The following CDS1 variants were observed in gnomAD, a reference collection of about 807,000 sequenced individuals.
CDS1 encodes phosphatidate cytidylyltransferase 1.
CDS1 carries 41 observed loss-of-function variants against 62.1 expected under a neutral mutation model. The observed-to-expected ratio is 0.66, with a 90% confidence interval of 0.51 to 0.86. The LOEUF (loss-of-function observed/expected upper bound fraction) is 0.86, where lower values mean the gene tolerates loss of function less well. Ranked by LOEUF, CDS1 falls within the 40% of genes least tolerant of loss-of-function variation. The pLI is 0.00. For missense variants in CDS1, 470 were observed against 550.1 expected (o/e 0.85, Z 1.46); for synonymous variants, 185 against 192.6 (o/e 0.96, Z 0.32).
intron 11 of CDS1, among the ~76,000 whole-genome samples, 159 bp downstream of exon 11, chr4:84,643,302 A>G (rs1724451018): frequency 6.6e-6 from 1 of 152,158 alleles, no homozygotes; most frequent in African/African-American, 2.4e-5. Context: ...CGTTGATCTG[A>G]ATGTATTCTT....
chr4:84,619,904 T>C (rs1008127181), intron 5 of CDS1, among the ~76,000 whole-genome samples: 4 of 151,478 alleles, frequency 2.6e-5, no homozygotes, highest in African/African-American at 9.7e-5. Flanking sequence ...TAGTGGCACA[T>C]GCCTATAATT....
intron 10 of CDS1, among the ~76,000 whole-genome samples, chr4:84,642,201 T>G (rs999949551): frequency 5.9e-5 from 9 of 152,028 alleles, no homozygotes; most frequent in Admixed American, 5.9e-4. Flanking sequence ...GGCATACACC[T>G]GTAATTCCAG....
chr4:84,639,737 T>A (rs1255539822), intron 9 of CDS1, among the ~76,000 whole-genome samples: 1 of 151,800 alleles, frequency 6.6e-6, no homozygotes, highest in African/African-American at 2.4e-5. Flanking sequence ...CTGGAGAGAG[T>A]GAATATACAA....
chr4:84,624,129 C>CTA lies in CDS1; in HGVS notation c.580+4597_580+4598insAT, dbSNP rs556331406. ...TACTAAAAATACAAAAAAAAATTAG[C>CTA]TGGGCGTGGTGGTGGGCGCCTATAG... On this transcript the variant is annotated intron_variant, in intron 5 of 12. Transcript: ENST00000295887. Among the ~76,000 whole-genome samples, 155 of 151,814 alleles carry CTA rather than the reference C, an allele frequency of 1.0e-3. 2 individuals are homozygous for CTA. In the East Asian group the frequency reaches 0.021, roughly 21 times the overall value.
chr4:84,612,387 G>C (rs1379116930), intron 3 of CDS1, among the ~76,000 whole-genome samples: 1 of 152,120 alleles, frequency 6.6e-6, no homozygotes, highest in Non-Finnish European at 1.5e-5. Context: ...CCTAGATACA[G>C]TGACTTCGGC....
At chr4:84,589,967 C>G (rs1173661494) in intron 1 of CDS1, among the ~76,000 whole-genome samples, 1 of 152,188 alleles carries the variant, frequency 6.6e-6, no homozygotes, top group East Asian at 1.9e-4. Context: ...CCCGCCACCA[C>G]GCCTGGCTAA....
chr4:84,617,153 C>T (rs1190192890), intron 3 of CDS1, among the ~76,000 whole-genome samples: 1 of 152,154 alleles, frequency 6.6e-6, no homozygotes, highest in Non-Finnish European at 1.5e-5. Flanking sequence ...TGCAAGCAAA[C>T]TTTCATATAT....
rs771185324 is a variant in CDS1, at chr4:84,645,295, T to G, written c.1226T>G (p.Phe409Cys). 6.2e-7 allele frequency: 1 copy of G among 1,609,040 alleles called. No homozygotes were observed. Among genetic ancestry groups the G allele is most frequent in the Non-Finnish European group, 8.5e-7 (1 of 1,175,552 alleles). ...GATTGTCAGTATTTGATGGCAACTT[T>G]TGTACATGTGTACATCACAAGTTTT... ...RFDCQYLMAT[F>C]VHVYITSFIR... Residue 409 changes from phenylalanine (F) to cysteine (C), a missense_variant, in exon 12 of 13, where the codon TTT becomes TGT. Coordinates refer to ENST00000295887, the MANE Select transcript of CDS1 (RefSeq NM_001263.4).
chr4:84,635,389 C>A, intron 8 of CDS1, 38 bp downstream of exon 8: 1 of 955,014 alleles, frequency 1.0e-6, no homozygotes. Flanking sequence ...ACTATGTAAC[C>A]TTAAAGATTA....
At chr4:84,615,913 C>A (rs913708983) in intron 3 of CDS1, among the ~76,000 whole-genome samples, 5 of 152,118 alleles carry the variant, frequency 3.3e-5, no homozygotes, top group Non-Finnish European at 7.4e-5. Flanking sequence ...TATTTGGAAC[C>A]TTTTGTTTTC....
At chr4:84,594,173 A>C (rs1444124222) in intron 1 of CDS1, among the ~76,000 whole-genome samples, 4 of 152,146 alleles carry the variant, frequency 2.6e-5, no homozygotes. Context: ...ACAAGAGAAA[A>C]ACCATTTTTC....
intron 4 of CDS1, among the ~76,000 whole-genome samples, chr4:84,617,967 A>C (rs1266811391): frequency 6.6e-6 from 1 of 152,152 alleles, no homozygotes; most frequent in Non-Finnish European, 1.5e-5. Context: ...TATCCTTTAC[A>C]ATAATAATTT....
intron 8 of CDS1, among the ~76,000 whole-genome samples, chr4:84,638,528 C>A (rs1724282986): frequency 6.6e-6 from 1 of 152,098 alleles, no homozygotes; most frequent in Non-Finnish European, 1.5e-5. Flanking sequence ...ACTGTGTGTA[C>A]TTGGAATGAA....
Position 84,619,390 on chromosome 4 carries a change from A to T in CDS1, c.441-4A>T. The T allele has an allele frequency of 6.9e-7, 1 of 1,439,196 alleles. No individual in the cohort carries two copies. The highest frequency in any genetic ancestry group is 9.4e-7 in the Non-Finnish European group (1 of 1,062,098). The allele number at this position is 1,439,196 out of a possible 1,614,324, so 89.2% of individuals were successfully genotyped here. A position where few individuals can be genotyped will look rare whatever the true frequency, so the allele number is the denominator to read the frequency against. On this transcript the variant is annotated splice_polypyrimidine_tract_variant and splice_region_variant and intron_variant, in intron 4 of 12. Transcript: ENST00000295887. ...TAGAAAAGCTAATTGTTTTTAAATT[A>T]TAGGTACTTTCTATTGTGTGTAAAC... is the stretch of plus-strand genomic sequence containing the variant.
chr4:84,638,505 C>G (rs6836452), intron 8 of CDS1, among the ~76,000 whole-genome samples: 2,845 of 152,206 alleles, frequency 0.019, 84 homozygotes, highest in African/African-American at 0.065. Context: ...TGGCCAATAG[C>G]AGGTCAATAC....
At chr4:84,640,578 C>T (rs910755305) in intron 9 of CDS1, among the ~76,000 whole-genome samples, 5 of 151,902 alleles carry the variant, frequency 3.3e-5, no homozygotes, top group Non-Finnish European at 5.9e-5. Flanking sequence ...TCTCCTGTAC[C>T]GTATAATTGT....
chr4:84,648,533 G>T, intron 12 of CDS1, 24 bp from the exon 13 acceptor site: 1 of 1,607,900 alleles, frequency 6.2e-7, no homozygotes, highest in Non-Finnish European at 8.5e-7. Flanking sequence ...ACACGAACTT[G>T]TCTTCTTTGC....
chr4:84,640,733 A>C (rs1191408870), intron 9 of CDS1, 105 bp from the exon 10 acceptor site: 1,544 of 580,550 alleles, frequency 2.7e-3, no homozygotes, highest in Non-Finnish European at 3.6e-3. Context: ...CTGGCATTCT[A>C]TCTCTGGCCT....
chr4:84,591,944 G>A (rs1326384637), intron 1 of CDS1, among the ~76,000 whole-genome samples: 1 of 152,110 alleles, frequency 6.6e-6, no homozygotes, highest in Non-Finnish European at 1.5e-5. Context: ...CTGTCATTGG[G>A]TGATTTCAGG....
Sources: allele counts gnomAD v4.1 joint callset (sites outside exome capture counted in the v4.1 genomes callset), GRCh38; gene constraint gnomAD v4.1.1; transcripts MANE v1.5; gene names NCBI Gene and HGNC (gene_info 2026-07-23, HGNC 2026-07-21).